Variants in SCP2 observed in about 807,000 individuals in gnomAD.
SCP2 encodes the protein SCP-2/3-oxoacyl-CoA thiolase.
A neutral mutation model predicts 71.4 loss-of-function variants in SCP2; 48 were observed. The observed-to-expected ratio is 0.67, with a 90% confidence interval of 0.53 to 0.86. SCP2 has a LOEUF of 0.86. Among genes scored for constraint, SCP2 ranks in the 40% least tolerant of loss-of-function variants. The pLI is 0.00. For synonymous variants in SCP2, 220 were observed against 218.1 expected (o/e 1.01, Z -0.08); for missense variants, 560 against 655.6 (o/e 0.85, Z 1.59).
intron 4 of SCP2, among the ~76,000 whole-genome samples, chr1:52,953,298 C>T (rs1655485557): frequency 6.6e-6 from 1 of 151,950 alleles, no homozygotes; most frequent in Non-Finnish European, 1.5e-5. Flanking sequence ...ATTTTATTAA[C>T]ATATTGAGAC....
Position 52,950,791 on chromosome 1 carries a change from G to C in SCP2, c.236G>C (p.Ser79Thr), listed in dbSNP as rs1655220585. ...STCGQRAIYH[S>T]LGMTGIPIIN... ...TGTGGGCAGAGGGCTATCTATCACA[G>C]TTTGGGAATGACTGGAATTCCTATA... is the stretch of plus-strand genomic sequence containing the variant. The change falls in exon 4 of 16, where the codon AGT (serine) becomes ACT (threonine). Residue 79 changes from serine to threonine, a missense_variant. Ser to Thr is a moderately conservative substitution (Grantham distance 58). Transcript: ENST00000371514. 2 of 1,613,694 alleles carry C rather than the reference G, an allele frequency of 1.2e-6. No homozygotes were observed. The highest frequency in any genetic ancestry group is 1.7e-6 in the Non-Finnish European group (2 of 1,179,762).
chr1:52,958,712 T>C (rs1656053111), intron 5 of SCP2, among the ~76,000 whole-genome samples: 1 of 152,058 alleles, frequency 6.6e-6, no homozygotes, highest in Admixed American at 6.6e-5. Flanking sequence ...TATTGTTGGA[T>C]TTGATTTGTT....
chr1:53,025,634 G>A (rs1294308426), intron 12 of SCP2, among the ~76,000 whole-genome samples: 7 of 152,020 alleles, frequency 4.6e-5, no homozygotes, highest in Non-Finnish European at 1.0e-4. Context: ...AAGGCTTGTG[G>A]ATTCTATTTC....
intron 6 of SCP2, among the ~76,000 whole-genome samples, chr1:52,962,361 C>A (rs919831031): frequency 6.6e-6 from 1 of 152,104 alleles, no homozygotes; most frequent in Admixed American, 6.6e-5. Flanking sequence ...GGCATAATTT[C>A]GCACCTGAAA....
Position 52,961,717 on chromosome 1 carries a change from G to A in SCP2, c.523+88G>A, listed in dbSNP as rs1656468052. 4.4e-6 allele frequency: 5 copies of A among 1,140,406 alleles called. No individual in the cohort carries two copies. The Admixed American group carries it at 8.9e-5, about 20-fold the overall frequency. 70.6% of individuals were successfully genotyped at this position (1,140,406 alleles called of 1,614,324 possible). A position where few individuals can be genotyped will look rare whatever the true frequency, so the allele number is the denominator to read the frequency against. On this transcript the variant is annotated intron_variant, in intron 6 of 15. Transcript: ENST00000371514. ...CAGTTATTTATTAAGGAACTGTGGA[G>A]GATGCCAGGATATATAAGATGTAAA...
intron 11 of SCP2, among the ~76,000 whole-genome samples, chr1:53,013,106 CTTTTTT>C (rs754111443): frequency 6.5e-4 from 68 of 104,646 alleles, no homozygotes; most frequent in African/African-American, 2.3e-3. Context: ...GTGGAGCTAC[CTTTTTT>C]TTTTTTTTTT....
rs916884552 is a variant in SCP2 at position 53,009,961 on chromosome 1, G to C, written c.1082-4929G>C. Among the ~76,000 whole-genome samples the C allele has an allele frequency of 9.9e-5, 15 of 152,230 alleles. No homozygotes were observed. In the East Asian group the frequency reaches 2.9e-3, roughly 29 times the overall value. On this transcript the variant is annotated intron_variant, in intron 11 of 15. Coordinates refer to ENST00000371514, the MANE Select transcript of SCP2 (RefSeq NM_002979.5). ...AATCAAACAACCCCATCAAAAAGCGGGAGAAGGATATGAACAGACACTCCT... is the reference window on the plus strand; with the variant it reads ...AATCAAACAACCCCATCAAAAAGCGCGAGAAGGATATGAACAGACACTCCT...
At chr1:53,008,863 T>C (rs912423987) in intron 11 of SCP2, among the ~76,000 whole-genome samples, 10 of 152,158 alleles carry the variant, frequency 6.6e-5, no homozygotes. Flanking sequence ...GATGACATGA[T>C]TGTATATTTA....
intron 1 of SCP2, among the ~76,000 whole-genome samples, chr1:52,938,270 T>C (rs2150105919): frequency 6.6e-6 from 1 of 152,288 alleles, no homozygotes; most frequent in Middle Eastern, 3.4e-3. Context: ...TCATGAAAGT[T>C]TTGCTTCACT....
rs199683265 is a variant in SCP2, at chr1:52,954,331, A to AAAC, written c.332-388_332-386dup. 3.4e-4 allele frequency among the ~76,000 whole-genome samples: 51 copies of AAAC among 151,140 alleles called. 1 individual carries two copies. The highest frequency in any genetic ancestry group is 9.7e-4 in the East Asian group (5 of 5,152). ...TTTGTGTCAAAAAAAAAAAGCAAACAAACAACAACAACAACAACAACAAAA... is the reference window on the plus strand; with the variant it reads ...TTTGTGTCAAAAAAAAAAAGCAAACAAACAACAACAACAACAACAACAACAAAA... On this transcript the variant is annotated intron_variant, in intron 4 of 15. Transcript: ENST00000371514.
chr1:53,031,252 T>C (rs1306402644), intron 13 of SCP2, among the ~76,000 whole-genome samples: 2 of 152,224 alleles, frequency 1.3e-5, no homozygotes, highest in Non-Finnish European at 1.5e-5. Flanking sequence ...GTGTGGTTTT[T>C]ATTTTACAGT....
chr1:52,992,756 A>G (rs1659610464), intron 11 of SCP2, among the ~76,000 whole-genome samples: 1 of 152,218 alleles, frequency 6.6e-6, no homozygotes. Flanking sequence ...AAAGGCTGAC[A>G]TTGAAATGTT....
At chr1:52,957,208 C>T (rs1039603074) in intron 5 of SCP2, among the ~76,000 whole-genome samples, 12 of 58,620 alleles carry the variant, frequency 2.0e-4, no homozygotes, top group African/African-American at 4.8e-4. Context: ...GCCCCTGGCC[C>T]CTGGCCCCTG....
At position 52,961,013 on chromosome 1, in the gene SCP2, A is replaced by G. The variant is rs577917595; in HGVS notation, c.397-490A>G. Among the ~76,000 whole-genome samples the G allele has an allele frequency of 2.0e-5, 3 of 150,378 alleles. No homozygotes were observed. In the South Asian group the frequency reaches 6.4e-4, roughly 32 times the overall value. ...GTGATCCACCCGTCTCAGCCTCCCA[A>G]AGTGCTGGGATTACAGGTGTGAGCC... On this transcript the variant is annotated intron_variant, in intron 5 of 15. Coordinates refer to ENST00000371514, the MANE Select transcript of SCP2 (RefSeq NM_002979.5).
intron 2 of SCP2, among the ~76,000 whole-genome samples, chr1:52,947,437 C>CT (rs1239310136): frequency 1.1e-4 from 17 of 151,796 alleles, no homozygotes; most frequent in Admixed American, 1.1e-3. Flanking sequence ...TTAGCTCACA[C>CT]TTTTTTTTCA....
At chr1:52,958,753 C>G (rs1295537145) in intron 5 of SCP2, among the ~76,000 whole-genome samples, 3 of 152,048 alleles carry the variant, frequency 2.0e-5, no homozygotes, top group Non-Finnish European at 4.4e-5. Context: ...CGGGTTCTCC[C>G]TATGTTGCCC....
intron 12 of SCP2, among the ~76,000 whole-genome samples, chr1:53,016,706 T>G (rs1317015408): frequency 1.3e-5 from 2 of 152,178 alleles, no homozygotes; most frequent in African/African-American, 4.8e-5. Flanking sequence ...CAGAGTAGAT[T>G]ATTTTGTGTG....
chr1:52,961,326 A>T (rs1656425506), intron 5 of SCP2, among the ~76,000 whole-genome samples, 177 bp from the exon 6 acceptor site: 1 of 149,824 alleles, frequency 6.7e-6, no homozygotes. Flanking sequence ...TCACTTGATT[A>T]TTTTTTCTTC....
intron 10 of SCP2, 96 bp downstream of exon 10, chr1:52,980,639 C>T (rs1553148901): frequency 8.0e-7 from 1 of 1,251,528 alleles, no homozygotes; most frequent in African/African-American, 1.5e-5. Flanking sequence ...TCACTTTTCC[C>T]TTAACGTTGG....
Sources: gnomAD v4.1 joint callset for allele counts (sites outside exome capture counted in the v4.1 genomes callset) on GRCh38, gnomAD v4.1.1 for gene constraint, MANE v1.5 for transcripts, NCBI Gene and HGNC (gene_info 2026-07-23, HGNC 2026-07-21) for gene names.